Variants in AK8 observed in about 807,000 individuals in gnomAD.
AK8 encodes the protein adenylate kinase 8.
AK8 carries 44 observed loss-of-function variants against 54.6 expected under a neutral mutation model. That is an observed-to-expected ratio of 0.81 (90% CI 0.63 to 1.04). The LOEUF (loss-of-function observed/expected upper bound fraction) is 1.04. AK8 is among the 50% of genes least tolerant of loss of function. The pLI, the probability that AK8 is intolerant of heterozygous loss-of-function variation, is 0.00. For missense variants in AK8, 555 were observed against 613.6 expected (o/e 0.90, Z 1.01); for synonymous variants, 239 against 245.6 (o/e 0.97, Z 0.25).
chr9:132,828,183 TTC>T (rs1841957040), intron 6 of AK8, 99 bp from the exon 7 acceptor site: 2 of 1,093,498 alleles, frequency 1.8e-6, no homozygotes, highest in African/African-American at 3.2e-5. Flanking sequence ...TTTTTTGCTT[TTC>T]TGTATAATGA....
At chr9:132,760,613 T>TG (rs1184655104) in intron 11 of AK8, among the ~76,000 whole-genome samples, 2 of 152,196 alleles carry the variant, frequency 1.3e-5, no homozygotes, top group African/African-American at 4.8e-5. Flanking sequence ...TGTTTAATAA[T>TG]GTTTCATAGA....
intron 11 of AK8, among the ~76,000 whole-genome samples, chr9:132,768,429 A>C (rs967559984): frequency 1.3e-5 from 2 of 152,016 alleles, no homozygotes; most frequent in Admixed American, 1.3e-4. Flanking sequence ...CACCATGCCC[A>C]GCTAATTTTG....
chr9:132,878,299 G>A (rs755960391), upstream of AK8: 7 of 1,328,464 alleles, frequency 5.3e-6, no homozygotes, highest in Non-Finnish European at 4.8e-6. The surrounding 1 kb of genome is among the most constrained non-coding windows in gnomAD (Gnocchi z 4.7). Flanking sequence ...GCGTCGCTAG[G>A]GCCGCCGCGC....
intron 5 of AK8, among the ~76,000 whole-genome samples, chr9:132,846,499 G>T (rs1468223052): frequency 3.6e-5 from 5 of 138,388 alleles, no homozygotes; most frequent in Non-Finnish European, 1.5e-5. Context: ...TTGCATGAGA[G>T]AATAGATGAA....
At chr9:132,800,280 C>T (rs887759053) in intron 10 of AK8, among the ~76,000 whole-genome samples, 4 of 152,206 alleles carry the variant, frequency 2.6e-5, no homozygotes, top group African/African-American at 4.8e-5. Context: ...CAGGACCTGG[C>T]GCCAGGTGTT....
intron 11 of AK8, among the ~76,000 whole-genome samples, chr9:132,732,671 G>A (rs17149697): frequency 0.019 from 2,897 of 152,236 alleles, 63 homozygotes; most frequent in African/African-American, 0.055. Flanking sequence ...CAAAGAGAGC[G>A]TAACTGAGAA....
Position 132,837,658 on chromosome 9 carries a change from G to A in AK8, c.403-8932C>T, listed in dbSNP as rs539906663. Among the ~76,000 whole-genome samples, 1 of 152,274 alleles carries A rather than the reference G, an allele frequency of 6.6e-6. No individual in the cohort carries two copies. The highest frequency in any genetic ancestry group is 2.1e-4 in the South Asian group (1 of 4,824). ...ATCCACAGAGCATATCGGAACACGC[G>A]TTCCTGTCCACATGGAGTGCTACGG... On this transcript the variant is annotated intron_variant, in intron 5 of 12. Coordinates refer to ENST00000298545, the MANE Select transcript of AK8 (RefSeq NM_152572.3). This position sits in a 1 kb window ranked among gnomAD's most constrained non-coding sequence, Gnocchi z 4.3.
intron 3 of AK8, among the ~76,000 whole-genome samples, chr9:132,864,641 G>C (rs1007268169): frequency 8.5e-5 from 13 of 152,178 alleles, no homozygotes; most frequent in African/African-American, 2.9e-4. Flanking sequence ...TGTCTCCAAA[G>C]GGCACTCAGG....
chr9:132,735,218 C>T (rs776402480), intron 11 of AK8, among the ~76,000 whole-genome samples: 2 of 152,130 alleles, frequency 1.3e-5, no homozygotes, highest in African/African-American at 4.8e-5. Context: ...ACCCTGGTAA[C>T]GCCCACTCTA....
At chr9:132,778,606 G>A (rs137920930) in intron 11 of AK8, among the ~76,000 whole-genome samples, 1,666 of 152,256 alleles carry the variant, frequency 0.011, 19 homozygotes, top group South Asian at 0.041. Flanking sequence ...TGTTAGAAAT[G>A]ACAAAGTCAT....
chr9:132,801,881 T>C (rs1840475467), intron 10 of AK8, among the ~76,000 whole-genome samples: 1 of 152,230 alleles, frequency 6.6e-6, no homozygotes, highest in Non-Finnish European at 1.5e-5. Flanking sequence ...GACTTGCCCA[T>C]GGCCATACAG....
At chr9:132,827,929 C>T (rs144126318) in intron 7 of AK8, 84 bp downstream of exon 7, 75 of 1,389,386 alleles carry the variant, frequency 5.4e-5, no homozygotes, top group Non-Finnish European at 6.9e-5. Flanking sequence ...GAGCAGAATG[C>T]GAGGTCAGGA....
rs1838906465 is a variant in AK8, at chr9:132,770,284, C to G, written c.1121+22350G>C. 1 of 152,318 alleles carries G rather than the reference C, an allele frequency of 6.6e-6. No individual in the cohort carries two copies. Among genetic ancestry groups the G allele is most frequent in the Non-Finnish European group, 1.5e-5 (1 of 68,154 alleles). The allele number at this position is 152,318 out of a possible 1,614,324, so 9.4% of individuals were successfully genotyped here. On this transcript the variant is annotated intron_variant, in intron 11 of 12. Transcript: ENST00000298545. This position sits in a 1 kb window ranked among gnomAD's most constrained non-coding sequence, Gnocchi z 4.3. ...GCCCCGCCAGCCCGGGCCCGGAGGC[C>G]CAGCCCCGCGCCAAGGGCCACCCCT...
In AK8 at chr9:132,839,845, C is replaced by A. The variant is rs368007089; in HGVS notation, c.403-11119G>T. 2.2e-4 allele frequency among the ~76,000 whole-genome samples: 32 copies of A among 144,230 alleles called. 1 individual carries two copies. The South Asian group carries it at 6.1e-3, about 27-fold the overall frequency. The allele number at this position is 144,230 out of a possible 152,430, so 94.6% of individuals were successfully genotyped here. A position where few individuals can be genotyped will look rare whatever the true frequency, so the allele number is the denominator to read the frequency against. On this transcript the variant is annotated intron_variant, in intron 5 of 12. Transcript: ENST00000298545. Reference sequence around the variant, plus strand: ...CGGGGGGGGGGGCGCAGGGACGGAGCCTTGCTCTGTCACCCAGGCTAGAGT... The same window carrying A: ...CGGGGGGGGGGGCGCAGGGACGGAGACTTGCTCTGTCACCCAGGCTAGAGT...
intron 12 of AK8, among the ~76,000 whole-genome samples, chr9:132,726,210 C>T (rs1243419442): frequency 2.0e-5 from 3 of 151,436 alleles, no homozygotes; most frequent in African/African-American, 4.9e-5. Context: ...CTCCCTCCCT[C>T]CTTCCCTCCT....
At chr9:132,869,357 C>T (rs1843716890) in intron 2 of AK8, among the ~76,000 whole-genome samples, 1 of 152,234 alleles carries the variant, frequency 6.6e-6, no homozygotes, top group South Asian at 2.1e-4. Flanking sequence ...TGCCCGTGCC[C>T]ATGATGCTGC....
At chr9:132,796,837 C>A (rs1840196121) in intron 10 of AK8, among the ~76,000 whole-genome samples, 1 of 151,046 alleles carries the variant, frequency 6.6e-6, no homozygotes, top group Non-Finnish European at 1.5e-5. Context: ...GGAAGGGTGG[C>A]CGCCACTTCA....
At chr9:132,857,833 G>A (rs1192517904) in intron 4 of AK8, among the ~76,000 whole-genome samples, 1 of 152,156 alleles carries the variant, frequency 6.6e-6, no homozygotes, top group Non-Finnish European at 1.5e-5. Context: ...AGCTACTCCT[G>A]AGCGCCCCCC....
chr9:132,739,851 A>G (rs1241147165), intron 11 of AK8, among the ~76,000 whole-genome samples: 2 of 152,386 alleles, frequency 1.3e-5, no homozygotes, highest in African/African-American at 2.4e-5. Flanking sequence ...CCAGGCCCCA[A>G]GGGGGAGGAA....
Sources: gnomAD v4.1 joint callset for allele counts (sites outside exome capture counted in the v4.1 genomes callset) on GRCh38, gnomAD v4.1.1 for gene constraint, Gnocchi (gnomAD v3.1) non-coding constraint, MANE v1.5 for transcripts, NCBI Gene and HGNC (gene_info 2026-07-23, HGNC 2026-07-21) for gene names.